The following CALN1 variants were observed in gnomAD, a reference collection of about 807,000 sequenced individuals.
CALN1 encodes the protein calneuron 1.
Under a neutral mutation model 30.6 loss-of-function variants are expected in CALN1, and 17 were observed. The observed-to-expected ratio is 0.56, with a 90% CI of 0.38 to 0.83. The LOEUF (loss-of-function observed/expected upper bound fraction) is 0.83, where lower values mean the gene tolerates loss of function less well. CALN1 is among the 40% of genes least tolerant of loss of function. The pLI, the probability that CALN1 is intolerant of heterozygous loss-of-function variation, is 0.00. For missense variants in CALN1, 291 were observed against 354.9 expected (o/e 0.82, Z 1.45); for synonymous variants, 156 against 131.4 (o/e 1.19, Z -1.28).
At chr7:72,168,868 A>G (rs1266209322) in intron 3 of CALN1, among the ~76,000 whole-genome samples, 1 of 147,062 alleles carries the variant, frequency 6.8e-6, no homozygotes, top group Non-Finnish European at 1.5e-5. Context: ...TGCAGTGATG[A>G]CACTGCGGCT....
intron 2 of CALN1, among the ~76,000 whole-genome samples, chr7:72,311,150 G>A (rs1352658145): frequency 6.6e-6 from 1 of 152,024 alleles, no homozygotes; most frequent in Non-Finnish European, 1.5e-5. Flanking sequence ...ACGCAAAGAT[G>A]ATGAGGATGA....
At chr7:71,999,034 T>TA (rs1250006747) in intron 5 of CALN1, among the ~76,000 whole-genome samples, 2 of 152,068 alleles carry the variant, frequency 1.3e-5, no homozygotes, top group Non-Finnish European at 2.9e-5. Context: ...AGTACACCAA[T>TA]AAAAAAACAG....
At chr7:71,960,620 T>A (rs1038419597) in intron 5 of CALN1, among the ~76,000 whole-genome samples, 1 of 152,190 alleles carries the variant, frequency 6.6e-6, no homozygotes, top group East Asian at 1.9e-4. Flanking sequence ...CTATTGTGAA[T>A]AGTGCTGCAA....
intron 5 of CALN1, among the ~76,000 whole-genome samples, chr7:71,985,066 TACA>T: frequency 6.6e-6 from 1 of 151,800 alleles, no homozygotes; most frequent in Non-Finnish European, 1.5e-5. Context: ...CATGTAAGAG[TACA>T]ACAATGAATC....
At chr7:72,263,994 A>G (rs1472395914) in intron 3 of CALN1, among the ~76,000 whole-genome samples, 1 of 152,128 alleles carries the variant, frequency 6.6e-6, no homozygotes, top group Non-Finnish European at 1.5e-5. Flanking sequence ...AGTGAAATTG[A>G]TGAGGGCCAC....
At chr7:71,870,635 C>T in intron 5 of CALN1, among the ~76,000 whole-genome samples, 1 of 151,984 alleles carries the variant, frequency 6.6e-6, no homozygotes, top group South Asian at 2.1e-4. Context: ...TATTGAGTCT[C>T]TGTTACTTTT....
intron 2 of CALN1, among the ~76,000 whole-genome samples, chr7:72,341,348 C>G (rs1258698716): frequency 6.6e-6 from 1 of 152,096 alleles, no homozygotes; most frequent in African/African-American, 2.4e-5. Context: ...CATGGTGAAA[C>G]CACGCCTCTA....
At chr7:72,344,679 G>A (rs1313085250) in intron 2 of CALN1, among the ~76,000 whole-genome samples, 1 of 144,302 alleles carries the variant, frequency 6.9e-6, no homozygotes, top group Non-Finnish European at 1.5e-5. Context: ...TTTTATTTAT[G>A]TATATAATTA....
chr7:72,447,651 A>G (rs761190878), upstream of CALN1, among the ~76,000 whole-genome samples: 4 of 152,110 alleles, frequency 2.6e-5, no homozygotes, highest in Non-Finnish European at 5.9e-5. Flanking sequence ...CTACCCATGT[A>G]CACACACACC....
At chr7:72,323,509 A>T (rs113241244) in intron 2 of CALN1, among the ~76,000 whole-genome samples, 1 of 152,014 alleles carries the variant, frequency 6.6e-6, no homozygotes, top group Non-Finnish European at 1.5e-5. Context: ...AAAATATTTT[A>T]AAAATCAGCT....
intron 6 of CALN1, among the ~76,000 whole-genome samples, chr7:71,794,989 C>G (rs1786805770): frequency 1.3e-5 from 2 of 152,062 alleles, no homozygotes; most frequent in African/African-American, 4.8e-5. Flanking sequence ...CAGTGTAGAT[C>G]AGTGGTGCCT....
chr7:71,996,209 G>T (rs1172557362), intron 5 of CALN1, among the ~76,000 whole-genome samples: 1 of 152,090 alleles, frequency 6.6e-6, no homozygotes, highest in Non-Finnish European at 1.5e-5. Context: ...CCTACTAAAA[G>T]AAAAGATTTA....
chr7:72,180,030 T>C (rs17605262), intron 3 of CALN1, among the ~76,000 whole-genome samples: 32,173 of 152,192 alleles, frequency 0.21, 4,340 homozygotes, highest in Middle Eastern at 0.33. Flanking sequence ...GCACACATGT[T>C]GCTTATCTCT....
chr7:72,101,871 C>G (rs905608928), intron 4 of CALN1, among the ~76,000 whole-genome samples: 2 of 152,166 alleles, frequency 1.3e-5, no homozygotes, highest in Non-Finnish European at 2.9e-5. Flanking sequence ...TAGAATTAAG[C>G]TGCTTTTCAG....
Position 72,261,178 on chromosome 7 carries a change from C to T in CALN1, c.244+17508G>A, listed in dbSNP as rs151314027. On this transcript the variant is annotated intron_variant, in intron 3 of 6. Coordinates refer to ENST00000395275, the MANE Select transcript of CALN1 (RefSeq NM_031468.4). ...CAAAAATTCGCCAGGTGTGGTGGCA[C>T]GCACCTGTGATCTCAGCTACTCGGG... Among the ~76,000 whole-genome samples the T allele has an allele frequency of 4.9e-3, 748 of 152,178 alleles. 3 individuals carry two copies. The highest frequency in any genetic ancestry group is 0.017 in the African/African-American group (706 of 41,516).
intron 3 of CALN1, among the ~76,000 whole-genome samples, chr7:72,125,799 C>T (rs1347537230): frequency 2.1e-4 from 24 of 114,758 alleles, no homozygotes; most frequent in South Asian, 5.5e-4. Flanking sequence ...CTGTATCATT[C>T]TTTTTTTTTT....
At chr7:72,358,042 A>C (rs1803345834) in intron 2 of CALN1, among the ~76,000 whole-genome samples, 1 of 151,634 alleles carries the variant, frequency 6.6e-6, no homozygotes, top group African/African-American at 2.4e-5. Flanking sequence ...CCCAGGCAGG[A>C]GTGCAATGAT....
chr7:72,211,621 G>C (rs752380502), intron 3 of CALN1, among the ~76,000 whole-genome samples: 3 of 152,144 alleles, frequency 2.0e-5, no homozygotes, highest in Non-Finnish European at 4.4e-5. Flanking sequence ...GAAAAACAAG[G>C]CCTGGTACAT....
chr7:72,221,622 G>A lies in CALN1; in HGVS notation c.244+57064C>T, dbSNP rs1793308372. Among the ~76,000 whole-genome samples the A allele has an allele frequency of 3.9e-5, 6 of 152,326 alleles. No homozygotes were observed. In the South Asian group the frequency reaches 1.2e-3, roughly 32 times the overall value. On this transcript the variant is annotated intron_variant, in intron 3 of 6. Coordinates refer to ENST00000395275, the MANE Select transcript of CALN1 (RefSeq NM_031468.4). ...CTGAGTGGCTGAGGCTGGACGCAGT[G>A]GCTCATGCCTGTAATCGCAGTACTC...
Sources: allele counts gnomAD v4.1 joint callset (sites outside exome capture counted in the v4.1 genomes callset), GRCh38; gene constraint gnomAD v4.1.1; transcripts MANE v1.5; gene names NCBI Gene and HGNC (gene_info 2026-07-23, HGNC 2026-07-21).